TET3: variants seen among roughly 807,000 people sequenced by gnomAD.
TET3 encodes methylcytosine dioxygenase TET3.
Under a neutral mutation model 141.4 loss-of-function variants are expected in TET3, and 19 were observed. The ratio of observed to expected loss-of-function variants is 0.13; its 90% confidence interval spans 0.09 to 0.20. The LOEUF (loss-of-function observed/expected upper bound fraction) is 0.20. Among genes scored for constraint, TET3 ranks in the 10% least tolerant of loss-of-function variants. TET3 has a pLI of 1.00. For synonymous variants in TET3, 1,043 were observed against 980.9 expected, an observed-to-expected ratio of 1.06 and a Z score of -1.18; for missense variants, 1,874 against 2,356.9, an observed-to-expected ratio of 0.80 and a Z score of 4.24.
intron 5 of TET3, among the ~76,000 whole-genome samples, chr2:74,076,339 G>A (rs1418454378): frequency 2.0e-5 from 3 of 150,390 alleles, no homozygotes; most frequent in East Asian, 3.9e-4. Flanking sequence ...CCATCTTTAC[G>A]TTGCCTGCTA....
chr2:74,124,311 G>C, the TET3 span, among the ~76,000 whole-genome samples: 1 of 149,138 alleles, frequency 6.7e-6, no homozygotes, highest in Admixed American at 6.6e-5. Context: ...GGAGGGAGGT[G>C]GGGGGTCAGC....
intron 4 of TET3, among the ~76,000 whole-genome samples, chr2:74,064,373 A>T (rs565427079): frequency 6.6e-6 from 1 of 152,290 alleles, no homozygotes; most frequent in South Asian, 2.1e-4. Flanking sequence ...TTGTGTGTAG[A>T]AACATGGAAA....
At chr2:74,124,417 C>T in the TET3 span, among the ~76,000 whole-genome samples, 1 of 151,998 alleles carries the variant, frequency 6.6e-6, no homozygotes, top group Admixed American at 6.6e-5. Flanking sequence ...GCCCAGCCGC[C>T]ACCCCGTCTG....
At chr2:73,984,793 C>A (rs894587938), upstream of TET3, among the ~76,000 whole-genome samples, 3 of 149,124 alleles carry the variant, frequency 2.0e-5, no homozygotes, top group Non-Finnish European at 4.5e-5. The surrounding 1 kb of genome is among the most constrained non-coding windows in gnomAD (Gnocchi z 5.6). Context: ...AACCACCCCC[C>A]TCTCGCCCGG....
intron 2 of TET3, among the ~76,000 whole-genome samples, chr2:74,001,739 A>G (rs1252883310): frequency 6.6e-6 from 1 of 152,088 alleles, no homozygotes; most frequent in Admixed American, 6.6e-5. Context: ...CCCTCCTTTC[A>G]GTCTTCTGAT....
chr2:74,051,470 C>CT (rs1375083148), intron 4 of TET3, among the ~76,000 whole-genome samples: 2 of 152,138 alleles, frequency 1.3e-5, no homozygotes, highest in Non-Finnish European at 2.9e-5. Flanking sequence ...TATGGATGAC[C>CT]TTTCCCTCAT....
intron 5 of TET3, among the ~76,000 whole-genome samples, chr2:74,077,151 G>C (rs1302804713): frequency 6.6e-6 from 1 of 152,222 alleles, no homozygotes; most frequent in African/African-American, 2.4e-5. Context: ...GGTTCTCTGA[G>C]ATTTGGGGGA....
intron 3 of TET3, among the ~76,000 whole-genome samples, chr2:74,031,071 C>T (rs1313880025): frequency 1.3e-5 from 2 of 151,928 alleles, no homozygotes; most frequent in South Asian, 2.1e-4. Flanking sequence ...GGAAGTGTGT[C>T]TGGTAGCTGG....
chr2:74,080,610 CAA>C lies in TET3; in HGVS notation c.2679+20_2679+21del, dbSNP rs763197976. 36 of 1,600,142 alleles carry C rather than the reference CAA, an allele frequency of 2.2e-5. No individual in the cohort carries two copies. In the South Asian group the frequency reaches 3.8e-4, roughly 17 times the overall value. On this transcript the variant is annotated intron_variant, in intron 6 of 11. Coordinates refer to ENST00000409262, the MANE Select transcript of TET3 (RefSeq NM_001287491.2). ...AAAGTGGGTGAGTGTTGAGCCCACT[CAA>C]GAGCCACAGCTGTGCCTGGTTCCCC...
intron 6 of TET3, among the ~76,000 whole-genome samples, chr2:74,081,187 A>C (rs983378632): frequency 6.6e-6 from 1 of 152,232 alleles, no homozygotes; most frequent in Non-Finnish European, 1.5e-5. Flanking sequence ...CAGGGAGAAC[A>C]TCAGTGACTC....
At chr2:74,055,151 C>T (rs994345919) in intron 4 of TET3, among the ~76,000 whole-genome samples, 4 of 152,142 alleles carry the variant, frequency 2.6e-5, no homozygotes, top group Admixed American at 6.5e-5. Flanking sequence ...CCACCCACCT[C>T]GGCCTCCCAG....
chr2:74,100,909 T>G lies in TET3; in HGVS notation c.4121T>G (p.Leu1374Arg), dbSNP rs756917019. ...PKEYLLPKAPLLHSVSRDPSP... is the reference protein window; with the variant it reads ...PKEYLLPKAPRLHSVSRDPSP... Reference sequence around the variant, plus strand: ...GAGTATCTGCTTCCCAAGGCCCCCCTACTCCACTCAGTGTCCAGGGACCCC... The same window carrying G: ...GAGTATCTGCTTCCCAAGGCCCCCCGACTCCACTCAGTGTCCAGGGACCCC... Residue 1374 changes from leucine to arginine, a missense_variant, in exon 12 of 12, where the codon CTA becomes CGA. Coordinates refer to ENST00000409262, the MANE Select transcript of TET3 (RefSeq NM_001287491.2). The G allele has an allele frequency of 1.2e-6, 2 of 1,610,346 alleles. No individual in the cohort carries two copies. The highest frequency in any genetic ancestry group is 2.2e-5 in the South Asian group (2 of 90,308).
intron 3 of TET3, among the ~76,000 whole-genome samples, chr2:74,010,269 G>A (rs1195965071): frequency 6.6e-6 from 1 of 152,194 alleles, no homozygotes; most frequent in Non-Finnish European, 1.5e-5. Flanking sequence ...GCTCCTCCCC[G>A]TCACCTTCCA....
chr2:74,083,745 T>C (rs1427637126), intron 6 of TET3, among the ~76,000 whole-genome samples: 1 of 152,206 alleles, frequency 6.6e-6, no homozygotes, highest in Non-Finnish European at 1.5e-5. Flanking sequence ...CACAGATAGC[T>C]GTCTGCTTGT....
At chr2:74,023,626 A>G (rs1686180316) in intron 3 of TET3, among the ~76,000 whole-genome samples, 1 of 152,200 alleles carries the variant, frequency 6.6e-6, no homozygotes, top group Admixed American at 6.5e-5. Flanking sequence ...GACTGAGCCT[A>G]GCTTGGCCAC....
intron 3 of TET3, among the ~76,000 whole-genome samples, chr2:74,026,950 A>C (rs542427574): frequency 2.0e-5 from 3 of 152,206 alleles, no homozygotes; most frequent in African/African-American, 7.2e-5. Context: ...CACCACTCCT[A>C]CTGTCCCCTG....
Position 74,105,809 on chromosome 2 carries a change from A to C in TET3, c.*3633A>C, listed in dbSNP as rs1691466190. On this transcript the variant is annotated 3_prime_UTR_variant, in exon 12 of 12. Transcript: ENST00000409262. ...AACCTAATTTCATTGAGAGAAACCC[A>C]GCCAGACTTGCTTCTAGAGGTTTAA... The C allele has an allele frequency of 6.3e-6, 1 of 159,508 alleles. No individual in the cohort carries two copies. The allele number at this position is 159,508 out of a possible 1,614,324, so 9.9% of individuals were successfully genotyped here.
chr2:74,030,010 C>T (rs1187761281), intron 3 of TET3, among the ~76,000 whole-genome samples: 1 of 152,156 alleles, frequency 6.6e-6, no homozygotes, highest in African/African-American at 2.4e-5. Flanking sequence ...AGGAACTTGC[C>T]TTTGAATAGG....
At chr2:74,053,575 C>T (rs545786837) in intron 4 of TET3, among the ~76,000 whole-genome samples, 1 of 152,106 alleles carries the variant, frequency 6.6e-6, no homozygotes, top group Non-Finnish European at 1.5e-5. Flanking sequence ...CTAGTGGTTG[C>T]CTTCATAGAA....
Sources: gnomAD v4.1 joint callset for allele counts (sites outside exome capture counted in the v4.1 genomes callset) on GRCh38, gnomAD v4.1.1 for gene constraint, Gnocchi (gnomAD v3.1) non-coding constraint, MANE v1.5 for transcripts, NCBI Gene and HGNC (gene_info 2026-07-23, HGNC 2026-07-21) for gene names.